GAB1: variants seen among roughly 807,000 people sequenced by gnomAD.
GAB1 encodes GRB2 associated binding protein 1, also known as GRB2-associated-binding protein 1.
In GAB1, 19 loss-of-function variants were observed where a neutral mutation model predicts 66.5. The ratio of observed to expected loss-of-function variants is 0.29; its 90% CI spans 0.20 to 0.42. The LOEUF is 0.42. GAB1 is among the 10% of genes least tolerant of loss of function. The pLI, the probability that GAB1 is intolerant of heterozygous loss-of-function variation, is 1.00. For missense variants in GAB1, 732 were observed against 858.5 expected (o/e 0.85, Z 1.84); for synonymous variants, 294 against 301.4 (o/e 0.98, Z 0.25).
intron 6 of GAB1, among the ~76,000 whole-genome samples, chr4:143,448,449 A>C (rs1313606061): frequency 1.3e-5 from 2 of 151,842 alleles, no homozygotes; most frequent in Non-Finnish European, 2.9e-5. Context: ...TAAGCTATTG[A>C]TTATTGCCAC....
At chr4:143,424,331 T>G (rs200258610) in intron 2 of GAB1, among the ~76,000 whole-genome samples, 1 of 152,186 alleles carries the variant, frequency 6.6e-6, no homozygotes, top group Non-Finnish European at 1.5e-5. Flanking sequence ...TAGGATACAT[T>G]AACAGTTTTC....
chr4:143,378,629 G>GTCTCTCTCTC lies in GAB1; in HGVS notation c.73-36813_73-36804dup, dbSNP rs3049720. 5.0e-3 allele frequency among the ~76,000 whole-genome samples: 647 copies of GTCTCTCTCTC among 129,210 alleles called. 7 individuals are homozygous for GTCTCTCTCTC. Among genetic ancestry groups the GTCTCTCTCTC allele is most frequent in the African/African-American group, 9.7e-3 (329 of 33,970 alleles). The allele number at this position is 129,210 out of a possible 152,430, so 84.8% of individuals were successfully genotyped here. A position where few individuals can be genotyped will look rare whatever the true frequency, so the allele number is the denominator to read the frequency against. ...GACAGCCTATTGGAACTTCCAAAGT[G>GTCTCTCTCTC]TCTCTCTCTCTCTCTCTCTCTCTCT... is the stretch of plus-strand genomic sequence containing the variant. On this transcript the variant is annotated intron_variant, in intron 1 of 9. Transcript: ENST00000262994.
At chr4:143,457,723 G>C in intron 6 of GAB1, 2 of 1,576,960 alleles carry the variant, frequency 1.3e-6, no homozygotes, top group Non-Finnish European at 1.7e-6. Context: ...ATGGTTTAGA[G>C]CGAACTGATT....
chr4:143,445,944 T>TC (rs758618941), intron 6 of GAB1, among the ~76,000 whole-genome samples: 3 of 151,896 alleles, frequency 2.0e-5, no homozygotes, highest in African/African-American at 4.8e-5. Context: ...CCTTCTACCT[T>TC]CCCCCCACCC....
chr4:143,405,751 T>C lies in GAB1; in HGVS notation c.73-9726T>C, dbSNP rs543133098. 3.3e-5 allele frequency among the ~76,000 whole-genome samples: 5 copies of C among 152,228 alleles called. No homozygotes were observed. In the South Asian group the frequency reaches 1.0e-3, roughly 32 times the overall value. On this transcript the variant is annotated intron_variant, in intron 1 of 9. Coordinates refer to ENST00000262994, the MANE Select transcript of GAB1 (RefSeq NM_002039.4). ...ATTGAAATGCCAAGGTAGAGTGCTA[T>C]GATGGAGGTTTGCACAAGGTACTGT... is the stretch of plus-strand genomic sequence containing the variant.
intron 6 of GAB1, among the ~76,000 whole-genome samples, chr4:143,451,798 G>A (rs1170322707): frequency 6.6e-6 from 1 of 151,912 alleles, no homozygotes; most frequent in Non-Finnish European, 1.5e-5. Context: ...AGTGATTTTT[G>A]GAAGTTTTGA....
intron 2 of GAB1, among the ~76,000 whole-genome samples, chr4:143,426,624 C>A (rs1263186340): frequency 6.6e-6 from 1 of 152,178 alleles, no homozygotes; most frequent in Admixed American, 6.5e-5. Context: ...TTTTCAGCAT[C>A]TGCAATGTGT....
At chr4:143,363,573 G>A (rs1020914258) in intron 1 of GAB1, among the ~76,000 whole-genome samples, 1 of 152,162 alleles carries the variant, frequency 6.6e-6, no homozygotes, top group Non-Finnish European at 1.5e-5. Flanking sequence ...AATAGGATAA[G>A]GTGGAAAATA....
chr4:143,438,534 A>G lies in GAB1; in HGVS notation c.1129A>G (p.Thr377Ala), dbSNP rs751048774. ...CACTGACAGTAGTTACTGTATCCCT[A>G]CAGCAGGGATGTCGCCTTCACGTAG... Reference protein sequence around the residue: ...SDTDSSYCIPTAGMSPSRSNT... With the variant: ...SDTDSSYCIPAAGMSPSRSNT... Residue 377 changes from threonine (T) to alanine (A), a missense_variant, in exon 4 of 10, where the codon ACA (threonine) becomes GCA (alanine). Transcript: ENST00000262994. 2 of 1,613,330 alleles carry G rather than the reference A, an allele frequency of 1.2e-6. No individual in the cohort carries two copies. The highest frequency in any genetic ancestry group is 1.7e-5 in the Admixed American group (1 of 59,996).
chr4:143,385,861 C>T (rs1275724814), intron 1 of GAB1, among the ~76,000 whole-genome samples: 1 of 152,038 alleles, frequency 6.6e-6, no homozygotes, highest in Admixed American at 6.6e-5. Context: ...GTGTATTGGC[C>T]GGTTATGGTA....
At chr4:143,340,504 A>C (rs1043835537) in intron 1 of GAB1, among the ~76,000 whole-genome samples, 6 of 152,058 alleles carry the variant, frequency 3.9e-5, no homozygotes, top group African/African-American at 1.4e-4. Context: ...AAATTGTTTT[A>C]GTTTTTTTTA....
chr4:143,340,637 A>C (rs759741147), intron 1 of GAB1, among the ~76,000 whole-genome samples: 15 of 151,976 alleles, frequency 9.9e-5, no homozygotes, highest in Non-Finnish European at 2.1e-4. Context: ...CAGCCTCCCC[A>C]GTAGCTGGGA....
Position 143,469,181 on chromosome 4 carries a change from G to A in GAB1, c.2077G>A (p.Val693Met), listed in dbSNP as rs1735962773. 1 of 1,613,958 alleles carries A rather than the reference G, an allele frequency of 6.2e-7. No individual in the cohort carries two copies. The highest frequency in any genetic ancestry group is 8.5e-7 in the Non-Finnish European group (1 of 1,179,954). ...STESETPAKS[V>M]K ...AGAATCAGAAACGCCAGCGAAGAGT[G>A]TGAAATGAAAATATTGCCTTGCCAT... The change falls in exon 10 of 10, where the codon GTG becomes ATG. Residue 693 changes from valine to methionine, a missense_variant. By Grantham distance (21) the Val-to-Met change is conservative. Around this residue, in one of 4 missense-constraint regions of GAB1, gnomAD observed 204 missense variants for 276.8 expected, o/e 0.74. Transcript: ENST00000262994.
At chr4:143,417,121 T>G (rs928777218) in intron 2 of GAB1, among the ~76,000 whole-genome samples, 2 of 152,106 alleles carry the variant, frequency 1.3e-5, no homozygotes, top group African/African-American at 4.8e-5. Context: ...GAAAATAAAT[T>G]GCAAAATGTA....
intron 1 of GAB1, among the ~76,000 whole-genome samples, chr4:143,393,130 CAT>C (rs796136351): frequency 9.3e-5 from 14 of 150,464 alleles, no homozygotes; most frequent in African/African-American, 3.4e-4. Flanking sequence ...TAGACTGGCT[CAT>C]ATGAAATGAT....
chr4:143,343,853 C>T (rs1054435699), intron 1 of GAB1, among the ~76,000 whole-genome samples: 3 of 152,142 alleles, frequency 2.0e-5, no homozygotes, highest in Non-Finnish European at 4.4e-5. Flanking sequence ...AACTGCTTCC[C>T]AGCACCCCAG....
intron 1 of GAB1, among the ~76,000 whole-genome samples, chr4:143,342,485 A>G (rs1179790920): frequency 6.6e-6 from 1 of 151,876 alleles, no homozygotes; most frequent in Non-Finnish European, 1.5e-5. Context: ...TAACATAAAA[A>G]TATGTAGATA....
intron 9 of GAB1, among the ~76,000 whole-genome samples, chr4:143,467,806 GC>G (rs1272352809): frequency 9.2e-5 from 14 of 152,212 alleles, no homozygotes; most frequent in African/African-American, 3.4e-4. Flanking sequence ...CCAATGCAGG[GC>G]CTCCTGATTG....
chr4:143,464,878 AG>A (rs1378478153), intron 8 of GAB1, among the ~76,000 whole-genome samples: 3 of 152,248 alleles, frequency 2.0e-5, no homozygotes, highest in African/African-American at 2.4e-5. Flanking sequence ...CTAAGCAAAA[AG>A]AAATGAAGTA....
Sources: allele counts gnomAD v4.1 joint callset (sites outside exome capture counted in the v4.1 genomes callset), GRCh38; gene constraint gnomAD v4.1.1; regional missense constraint gnomAD v4.1.1; transcripts MANE v1.5; gene names NCBI Gene and HGNC (gene_info 2026-07-23, HGNC 2026-07-21).